B3GALT1: variants seen among roughly 807,000 people sequenced by gnomAD.
B3GALT1 encodes the protein UDP-Gal:betaGlcNAc beta 1,3-galactosyltransferase, polypeptide 1.
Under a neutral mutation model 23.2 loss-of-function variants are expected in B3GALT1, and 10 were observed. The ratio of observed to expected loss-of-function variants is 0.43; its 90% CI spans 0.27 to 0.73. The LOEUF (loss-of-function observed/expected upper bound fraction) is 0.73. B3GALT1 is among the 30% of genes least tolerant of loss of function. The probability of loss-of-function intolerance (pLI) is 0.21; values close to 1 mark genes in which losing one functional copy is unlikely to be tolerated. For missense variants in B3GALT1, 299 were observed against 405.4 expected, an observed-to-expected ratio of 0.74 and a Z score of 2.25; for synonymous variants, 156 against 141.5, an observed-to-expected ratio of 1.10 and a Z score of -0.73.
At chr2:167,484,117 A>G (rs1344427040) in intron 1 of B3GALT1, among the ~76,000 whole-genome samples, 1 of 152,218 alleles carries the variant, frequency 6.6e-6, no homozygotes, top group Non-Finnish European at 1.5e-5. Flanking sequence ...TGAGGGAATA[A>G]CTATGACAAC....
At chr2:167,797,276 C>T (rs943881945) in intron 3 of B3GALT1, among the ~76,000 whole-genome samples, 4 of 152,176 alleles carry the variant, frequency 2.6e-5, no homozygotes, top group Admixed American at 1.3e-4. Context: ...CGACTTCCAG[C>T]TCCATCCATG....
At chr2:167,653,851 C>T (rs2105466343) in intron 3 of B3GALT1, among the ~76,000 whole-genome samples, 1 of 152,302 alleles carries the variant, frequency 6.6e-6, no homozygotes, top group East Asian at 1.9e-4. Flanking sequence ...TCCTCCTTTG[C>T]TCGGTTCATC....
At chr2:167,628,614 C>G (rs1403900326) in intron 2 of B3GALT1, among the ~76,000 whole-genome samples, 2 of 150,078 alleles carry the variant, frequency 1.3e-5, no homozygotes, top group African/African-American at 4.8e-5. Context: ...ATTTTTAAAT[C>G]AGTGGTCTGA....
chr2:167,485,191 G>T (rs1227267520), intron 1 of B3GALT1, among the ~76,000 whole-genome samples: 1 of 152,010 alleles, frequency 6.6e-6, no homozygotes, highest in Non-Finnish European at 1.5e-5. Flanking sequence ...TGGTTTACAT[G>T]CATATATATT....
intron 2 of B3GALT1, among the ~76,000 whole-genome samples, chr2:167,548,504 CCTT>C (rs765901791): frequency 2.0e-5 from 3 of 152,208 alleles, no homozygotes; most frequent in Non-Finnish European, 4.4e-5. Flanking sequence ...GGGTGTGGGC[CCTT>C]CTTCTCCTTT....
intron 3 of B3GALT1, chr2:167,713,852 T>A: frequency 6.3e-7 from 1 of 1,592,240 alleles, no homozygotes; most frequent in East Asian, 2.2e-5. Flanking sequence ...ACCTGGGAAA[T>A]CCCTTGATAG....
intron 1 of B3GALT1, among the ~76,000 whole-genome samples, chr2:167,328,970 G>A (rs974559293): frequency 2.0e-5 from 3 of 151,896 alleles, no homozygotes; most frequent in Non-Finnish European, 4.4e-5. Flanking sequence ...GCACCACCAC[G>A]CCTGGCTGAT....
intron 3 of B3GALT1, among the ~76,000 whole-genome samples, chr2:167,726,659 T>C (rs1269311504): frequency 6.6e-6 from 1 of 152,226 alleles, no homozygotes; most frequent in Admixed American, 6.5e-5. Flanking sequence ...ATAAAAATCA[T>C]TATCCCCAGT....
chr2:167,373,792 C>G (rs1213370235), intron 1 of B3GALT1, among the ~76,000 whole-genome samples: 1 of 152,152 alleles, frequency 6.6e-6, no homozygotes, highest in Non-Finnish European at 1.5e-5. Context: ...CTGCTGACCT[C>G]AAGTGATCCA....
chr2:167,667,145 G>C (rs1458993371), intron 3 of B3GALT1, among the ~76,000 whole-genome samples: 1 of 151,886 alleles, frequency 6.6e-6, no homozygotes, highest in Non-Finnish European at 1.5e-5. Flanking sequence ...GGGCAGGCCT[G>C]GTGGTGACAA....
At chr2:167,622,410 T>G (rs1344290711) in intron 2 of B3GALT1, among the ~76,000 whole-genome samples, 1 of 152,086 alleles carries the variant, frequency 6.6e-6, no homozygotes, top group Non-Finnish European at 1.5e-5. Flanking sequence ...CTATAGCAGT[T>G]TAAGCATGAG....
chr2:167,664,974 C>G (rs991929553), intron 3 of B3GALT1, among the ~76,000 whole-genome samples: 2 of 150,992 alleles, frequency 1.3e-5, no homozygotes, highest in African/African-American at 4.9e-5. Context: ...TGCCTAATTG[C>G]CCTGGCCAGA....
At chr2:167,383,754 G>T (rs1697879804) in intron 1 of B3GALT1, among the ~76,000 whole-genome samples, 1 of 152,168 alleles carries the variant, frequency 6.6e-6, no homozygotes, top group African/African-American at 2.4e-5. Flanking sequence ...CCCCTCTGCA[G>T]GTGGCTGCTT....
chr2:167,330,548 C>T (rs1696957550), intron 1 of B3GALT1, among the ~76,000 whole-genome samples: 1 of 152,188 alleles, frequency 6.6e-6, no homozygotes, highest in African/African-American at 2.4e-5. Flanking sequence ...AGGTTGAGGC[C>T]GCAGTGAGCC....
intron 2 of B3GALT1, among the ~76,000 whole-genome samples, chr2:167,608,633 G>T (rs773512278): frequency 6.6e-6 from 1 of 152,094 alleles, no homozygotes; most frequent in Admixed American, 6.6e-5. Flanking sequence ...TTTAGCATAG[G>T]AAGTTCTGAT....
chr2:167,832,719 A>G (rs1050741053), intron 4 of B3GALT1, among the ~76,000 whole-genome samples: 8 of 152,250 alleles, frequency 5.3e-5, no homozygotes, highest in African/African-American at 1.9e-4. Context: ...CATTAACATC[A>G]AATGGTTAGA....
At chr2:167,579,556 G>C (rs1160314221) in intron 2 of B3GALT1, among the ~76,000 whole-genome samples, 1 of 151,074 alleles carries the variant, frequency 6.6e-6, no homozygotes, top group Admixed American at 6.6e-5. Flanking sequence ...CAAGGTCGCT[G>C]ACACTCAATG....
chr2:167,374,369 G>A (rs1342678285), intron 1 of B3GALT1, among the ~76,000 whole-genome samples: 2 of 152,150 alleles, frequency 1.3e-5, no homozygotes, highest in African/African-American at 2.4e-5. Flanking sequence ...TTTCTTTTGA[G>A]TGTATATCCA....
chr2:167,343,738 G>C (rs1268870768), intron 1 of B3GALT1, among the ~76,000 whole-genome samples: 1 of 152,064 alleles, frequency 6.6e-6, no homozygotes, highest in East Asian at 1.9e-4. Context: ...AAAAGATATA[G>C]ATTATGAGCT....
Sources: gnomAD v4.1 joint callset for allele counts (sites outside exome capture counted in the v4.1 genomes callset) on GRCh38, gnomAD v4.1.1 for gene constraint, MANE v1.5 for transcripts, NCBI Gene and HGNC (gene_info 2026-07-23, HGNC 2026-07-21) for gene names.